The following ANOS1 variants were observed in gnomAD, a reference collection of about 807,000 sequenced individuals.
The protein encoded by ANOS1 is anosmin 1.
ANOS1 carries 6 observed loss-of-function variants against 59.0 expected under a neutral mutation model. The ratio of observed to expected loss-of-function variants is 0.10; its 90% CI spans 0.06 to 0.20. ANOS1 has a LOEUF of 0.20. ANOS1 is among the 10% of genes least tolerant of loss of function. ANOS1 has a pLI of 1.00. For missense variants in ANOS1, 433 were observed against 542.3 expected (o/e 0.80, Z 2.00); for synonymous variants, 217 against 223.4 (o/e 0.97, Z 0.25).
At chrX:8,659,004 G>A (rs1049462312) in intron 2 of ANOS1, among the ~76,000 whole-genome samples, 10 of 111,458 alleles carry the variant, frequency 9.0e-5, no homozygotes, top group Admixed American at 1.9e-4. Flanking sequence ...CGAGGCGGGC[G>A]GATCACGTCA....
At chrX:8,549,380 G>A (rs926368810) in intron 9 of ANOS1, among the ~76,000 whole-genome samples, 2 of 112,151 alleles carry the variant, frequency 1.8e-5, no homozygotes, top group Admixed American at 1.9e-4. Context: ...TGGGAATATT[G>A]GTCATATTAC....
At chrX:8,723,424 A>C (rs1048995689) in intron 1 of ANOS1, among the ~76,000 whole-genome samples, 1 of 112,374 alleles carries the variant, frequency 8.9e-6, no homozygotes, top group African/African-American at 3.2e-5. Flanking sequence ...CAATTCTCAA[A>C]AGAAGATATA....
intron 3 of ANOS1, among the ~76,000 whole-genome samples, chrX:8,610,036 C>A (rs13362965): frequency 0.079 from 1,827 of 23,106 alleles, 60 homozygotes; most frequent in African/African-American, 0.09. Flanking sequence ...AAAAAAAAAA[C>A]AACAACCTTT....
chrX:8,726,910 T>C (rs1932925385), intron 1 of ANOS1, among the ~76,000 whole-genome samples: 1 of 111,982 alleles, frequency 8.9e-6, no homozygotes, highest in Non-Finnish European at 1.9e-5. Flanking sequence ...TGTTTCTCCC[T>C]AAGTGAGCAT....
chrX:8,692,322 G>A (rs1170206581), intron 2 of ANOS1, among the ~76,000 whole-genome samples: 2 of 111,632 alleles, frequency 1.8e-5, no homozygotes, highest in Non-Finnish European at 3.8e-5. Flanking sequence ...CAACAGAGTT[G>A]AGTAGTTGCA....
chrX:8,577,725 C>A (rs922068821), intron 6 of ANOS1, among the ~76,000 whole-genome samples: 14 of 112,077 alleles, frequency 1.2e-4, no homozygotes, highest in African/African-American at 4.2e-4. Context: ...GTGTTTCATG[C>A]CACAAACAGG....
intron 1 of ANOS1, among the ~76,000 whole-genome samples, chrX:8,704,035 G>A (rs1908696151): frequency 9.1e-6 from 1 of 110,102 alleles, no homozygotes; most frequent in African/African-American, 3.3e-5. Context: ...TTTTTCCCAT[G>A]TTATTCTCGT....
intron 2 of ANOS1, among the ~76,000 whole-genome samples, chrX:8,673,465 T>C (rs1199673064): frequency 9.2e-6 from 1 of 108,732 alleles, no homozygotes. Context: ...AAGGAAGGAC[T>C]CAGTCAGACA....
intron 2 of ANOS1, among the ~76,000 whole-genome samples, chrX:8,652,202 A>C (rs1931859818): frequency 9.0e-6 from 1 of 111,300 alleles, no homozygotes; most frequent in African/African-American, 3.3e-5. Flanking sequence ...GCTTCAGGCG[A>C]TCCTCCCACC....
intron 6 of ANOS1, among the ~76,000 whole-genome samples, chrX:8,570,939 C>T (rs1930220767): frequency 9.1e-6 from 1 of 109,547 alleles, no homozygotes; most frequent in Non-Finnish European, 1.9e-5. Flanking sequence ...TAGTGAAACC[C>T]TGTCTCTACA....
intron 1 of ANOS1, among the ~76,000 whole-genome samples, chrX:8,730,492 T>C (rs183062951): frequency 3.8e-4 from 43 of 112,433 alleles, no homozygotes; most frequent in African/African-American, 1.4e-3. Context: ...TTCAAGATCA[T>C]CCCCGAGGGT....
intron 6 of ANOS1, among the ~76,000 whole-genome samples, chrX:8,574,288 C>T (rs2146809707): frequency 9.8e-6 from 1 of 101,916 alleles, no homozygotes; most frequent in East Asian, 3.0e-4. Context: ...GCTACATATG[C>T]TTTGCTCCAT....
At chrX:8,591,203 C>T (rs1056479616) in intron 4 of ANOS1, among the ~76,000 whole-genome samples, 3 of 111,614 alleles carry the variant, frequency 2.7e-5, no homozygotes, top group Non-Finnish European at 1.9e-5. Context: ...CATTTAGTAT[C>T]ATTCTTGCAT....
At chrX:8,638,005 A>G (rs1232456428) in intron 2 of ANOS1, among the ~76,000 whole-genome samples, 1 of 111,975 alleles carries the variant, frequency 8.9e-6, no homozygotes, top group East Asian at 2.8e-4. Flanking sequence ...AGGCTTCATC[A>G]GGGGATGGCC....
chrX:8,553,397 T>C (rs1352172743), intron 9 of ANOS1, among the ~76,000 whole-genome samples: 1 of 111,152 alleles, frequency 9.0e-6, no homozygotes, highest in Non-Finnish European at 1.9e-5. Context: ...AAGTAGCATT[T>C]ATAGAATGTT....
intron 2 of ANOS1, among the ~76,000 whole-genome samples, chrX:8,662,696 G>T (rs1345427850): frequency 2.7e-5 from 3 of 112,335 alleles, no homozygotes; most frequent in Admixed American, 9.4e-5. Flanking sequence ...GGAAAAATTT[G>T]TACATAGACA....
At chrX:8,646,108 A>G (rs975790668) in intron 2 of ANOS1, among the ~76,000 whole-genome samples, 3 of 112,117 alleles carry the variant, frequency 2.7e-5, no homozygotes, top group African/African-American at 9.7e-5. Context: ...TTATTCTTTT[A>G]GGTTAATAAT....
chrX:8,534,604 A>T, intron 12 of ANOS1, 144 bp from the exon 13 acceptor site: 1 of 572,604 alleles, frequency 1.7e-6, no homozygotes. Context: ...GCATAGTTTA[A>T]TTTATAGACT....
chrX:8,566,378 T>G (rs1569050153), intron 8 of ANOS1, among the ~76,000 whole-genome samples: 1 of 111,619 alleles, frequency 9.0e-6, no homozygotes, highest in Non-Finnish European at 1.9e-5. Context: ...TATGTGTGTA[T>G]AGTTATGTGC....
Sources: gnomAD v4.1 joint callset for allele counts (sites outside exome capture counted in the v4.1 genomes callset) on GRCh38, gnomAD v4.1.1 for gene constraint, MANE v1.5 for transcripts, NCBI Gene and HGNC (gene_info 2026-07-23, HGNC 2026-07-21) for gene names.